The following SYNE2 variants were observed in gnomAD, a reference collection of about 807,000 sequenced individuals.
The protein encoded by SYNE2 is nesprin-2.
Under a neutral mutation model 856.3 loss-of-function variants are expected in SYNE2, and 431 were observed. The observed-to-expected ratio is 0.50, with a 90% CI of 0.47 to 0.55. The LOEUF (loss-of-function observed/expected upper bound fraction) is 0.55. Ranked by LOEUF, SYNE2 falls within the 20% of genes least tolerant of loss-of-function variation. SYNE2 has a pLI of 0.00. For missense variants in SYNE2, 8,129 were observed against 8,023.2 expected (o/e 1.01, Z -0.50); for synonymous variants, 2,923 against 2,872.3 (o/e 1.02, Z -0.56).
At chr14:64,177,598 A>C in intron 96 of SYNE2, 115 bp downstream of exon 96, 1 of 1,370,222 alleles carries the variant, frequency 7.3e-7, no homozygotes. Flanking sequence ...CAATCAGAAA[A>C]TATTTTCCCG....
chr14:63,972,784 T>A (rs981816622), intron 11 of SYNE2, among the ~76,000 whole-genome samples: 13 of 152,198 alleles, frequency 8.5e-5, no homozygotes, highest in African/African-American at 3.1e-4. Context: ...ACAGGTTTGG[T>A]TTAATTCAAA....
intron 30 of SYNE2, among the ~76,000 whole-genome samples, chr14:64,004,514 G>C (rs2096781096): frequency 6.6e-6 from 1 of 152,020 alleles, no homozygotes; most frequent in Non-Finnish European, 1.5e-5. Context: ...ATTTCTAGTA[G>C]AGACGGGGTT....
At chr14:64,104,446 C>CTTT (rs34102150) in intron 64 of SYNE2, among the ~76,000 whole-genome samples, 55 of 118,774 alleles carry the variant, frequency 4.6e-4, no homozygotes, top group Non-Finnish European at 7.5e-4. Context: ...CCTGTTTTCT[C>CTTT]TTTTTTTTTT....
chr14:64,208,073 T>C lies in SYNE2; in HGVS notation c.18202-685T>C, dbSNP rs142662391. On this transcript the variant is annotated intron_variant, in intron 100 of 115. Coordinates refer to ENST00000555002, the MANE Select transcript of SYNE2 (RefSeq NM_182914.3). ...ACCATGCATTTTCTCTTCATAAATG[T>C]TATTTTTCCCAAATTGGGGAACTGC... is the stretch of plus-strand genomic sequence containing the variant. 4.8e-4 allele frequency: 218 copies of C among 456,082 alleles called. 1 individual carries two copies. The highest frequency in any genetic ancestry group is 3.5e-3 in the African/African-American group (178 of 50,190). 28.3% of individuals were successfully genotyped at this position (456,082 alleles called of 1,614,324 possible).
At chr14:63,937,381 CGAT>C (rs912274461) in intron 2 of SYNE2, among the ~76,000 whole-genome samples, 30 of 152,118 alleles carry the variant, frequency 2.0e-4, no homozygotes, top group Admixed American at 9.8e-4. Flanking sequence ...TGGGGGAAGA[CGAT>C]GATACGGAAG....
intron 99 of SYNE2, among the ~76,000 whole-genome samples, chr14:64,194,488 A>G (rs2098532070): frequency 6.6e-6 from 1 of 152,086 alleles, no homozygotes; most frequent in African/African-American, 2.4e-5. Context: ...TGTTTTTTGT[A>G]GAGATGGGGT....
chr14:64,080,441 G>A lies in SYNE2; in HGVS notation c.11164-15G>A, dbSNP rs1023915431. The A allele has an allele frequency of 2.5e-6, 4 of 1,613,738 alleles. No homozygotes were observed. The highest frequency in any genetic ancestry group is 4.5e-5 in the East Asian group (2 of 44,882). ...GACCTCTTCATTCAAGTTGACTTAC[G>A]ATTTCCTTCTCCAGAAAATGTGGGA... is the stretch of plus-strand genomic sequence containing the variant. On this transcript the variant is annotated splice_polypyrimidine_tract_variant and intron_variant, in intron 55 of 115. Transcript: ENST00000555002.
chr14:63,976,984 C>A (rs1176499637), intron 12 of SYNE2, among the ~76,000 whole-genome samples: 108 of 133,644 alleles, frequency 8.1e-4, no homozygotes, highest in African/African-American at 1.4e-3. Context: ...AAAGTCTTAC[C>A]AAAAAAAAAA....
intron 7 of SYNE2, among the ~76,000 whole-genome samples, chr14:63,951,482 A>C (rs1270486944): frequency 6.6e-6 from 1 of 151,968 alleles, no homozygotes; most frequent in South Asian, 2.1e-4. Context: ...TTGTATTTTT[A>C]GTAGAGATGA....
chr14:64,175,700 T>A (rs930213946), intron 95 of SYNE2, among the ~76,000 whole-genome samples: 1 of 152,228 alleles, frequency 6.6e-6, no homozygotes, highest in Non-Finnish European at 1.5e-5. Context: ...CTCCTCTTAA[T>A]GTCAAACTGT....
intron 53 of SYNE2, chr14:64,075,738 T>C (rs2097453232): frequency 1.3e-5 from 7 of 550,128 alleles, no homozygotes; most frequent in Non-Finnish European, 1.6e-5. Context: ...TGAAGAGATA[T>C]CAAGTTTAAT....
rs1567706037 is a variant in SYNE2, at chr14:64,225,001, C to T, written c.20472C>T (p.Phe6824=). 1 of 1,613,648 alleles carries T rather than the reference C, an allele frequency of 6.2e-7. No homozygotes were observed. Among genetic ancestry groups the T allele is most frequent in the East Asian group, 2.2e-5 (1 of 44,852 alleles). ...ACTGGAGTTTCTTTACCCAGCAGTT[C>T]AGAGCAGTGAGAACTACAGAAGGCG... is the stretch of plus-strand genomic sequence containing the variant. ...ATSVPAPRAK[F]RAVRTTEGEE... is the part of the protein sequence containing the mutation. Residue 6824 remains phenylalanine (F), a splice_region_variant and synonymous_variant, in exon 115 of 116, where the codon TTC becomes TTT. Coordinates refer to ENST00000555002, the MANE Select transcript of SYNE2 (RefSeq NM_182914.3).
At chr14:63,922,776 A>G (rs2095616294) in intron 2 of SYNE2, among the ~76,000 whole-genome samples, 1 of 152,216 alleles carries the variant, frequency 6.6e-6, no homozygotes, top group Admixed American at 6.5e-5. Context: ...TATTTAGACA[A>G]GTATTTCACA....
In SYNE2 at chr14:64,074,741, C is replaced by G. The variant is rs147908961; in HGVS notation, c.10866+605C>G. On this transcript the variant is annotated intron_variant, in intron 53 of 115. Transcript: ENST00000555002. Reference sequence around the variant, plus strand: ...GGAAACTCCGTCTCTACTAAAAATACAAAAATTAGCCAGGCATGGTAGCGT... The same window carrying G: ...GGAAACTCCGTCTCTACTAAAAATAGAAAAATTAGCCAGGCATGGTAGCGT... Among the ~76,000 whole-genome samples, 831 of 152,200 alleles carry G rather than the reference C, an allele frequency of 5.5e-3. 8 individuals are homozygous for G. Among genetic ancestry groups the G allele is most frequent in the African/African-American group, 0.019 (793 of 41,528 alleles).
chr14:64,096,004 A>G (rs969887672), intron 61 of SYNE2, among the ~76,000 whole-genome samples: 20 of 152,146 alleles, frequency 1.3e-4, no homozygotes, highest in African/African-American at 4.3e-4. Context: ...GAACACGACA[A>G]ATCTCCCTTT....
At chr14:64,009,880 C>A in intron 31 of SYNE2, 86 bp from the exon 32 acceptor site, 1 of 1,220,448 alleles carries the variant, frequency 8.2e-7, no homozygotes, top group Non-Finnish European at 1.2e-6. Flanking sequence ...ACACCTTATT[C>A]ATCATTTATG....
At chr14:64,214,644 ACT>A (rs2098657278) in intron 106 of SYNE2, 174 bp downstream of exon 106, 1 of 645,130 alleles carries the variant, frequency 1.6e-6, no homozygotes, top group East Asian at 2.7e-5. Context: ...GAATTGGCTC[ACT>A]CTCATCACAG....
At chr14:64,189,506 A>C (rs2098507782) in intron 98 of SYNE2, among the ~76,000 whole-genome samples, 1 of 152,222 alleles carries the variant, frequency 6.6e-6, no homozygotes, top group Non-Finnish European at 1.5e-5. Context: ...TAGCAGCCTA[A>C]TTAGTTATGC....
In SYNE2 at chr14:64,056,134, A is replaced by G. The variant is rs750682064; in HGVS notation, c.9935A>G (p.Asp3312Gly). 1.9e-6 allele frequency: 3 copies of G among 1,614,104 alleles called. No homozygotes were observed. Among genetic ancestry groups the G allele is most frequent in the Non-Finnish European group, 2.5e-6 (3 of 1,179,968 alleles). The change falls in exon 49 of 116, where the codon GAC becomes GGC. Residue 3312 changes from aspartate to glycine, a missense_variant. Coordinates refer to ENST00000555002, the MANE Select transcript of SYNE2 (RefSeq NM_182914.3). ...GAATCCACAGTAGCACACATCCAGG[A>G]CCTCACTGAGAAACTGGGAATGATA... ...ELESTVAHIQDLTEKLGMISS... is the reference protein window; with the variant it reads ...ELESTVAHIQGLTEKLGMISS...
Sources: allele counts gnomAD v4.1 joint callset (sites outside exome capture counted in the v4.1 genomes callset), GRCh38; gene constraint gnomAD v4.1.1; transcripts MANE v1.5; gene names NCBI Gene and HGNC (gene_info 2026-07-23, HGNC 2026-07-21).